Variants in CTNNA3 observed in about 807,000 individuals in gnomAD.
CTNNA3 encodes the protein catenin alpha 3, also known as catenin alpha-3.
CTNNA3 carries 76 observed loss-of-function variants against 95.7 expected under a neutral mutation model. That is an observed-to-expected ratio of 0.79 (90% CI 0.66 to 0.96). The LOEUF (loss-of-function observed/expected upper bound fraction) is 0.96. Ranked by LOEUF, CTNNA3 falls within the 40% of genes least tolerant of loss-of-function variation. CTNNA3 has a pLI of 0.00. For synonymous variants in CTNNA3, 431 were observed against 374.4 expected, an observed-to-expected ratio of 1.15 and a Z score of -1.74; for missense variants, 1,191 against 1,089.8, an observed-to-expected ratio of 1.09 and a Z score of -1.31.
At chr10:65,988,945 G>C in intron 15 of CTNNA3, 148 bp from the exon 16 acceptor site, 1 of 590,622 alleles carries the variant, frequency 1.7e-6, no homozygotes, top group Non-Finnish European at 3.0e-6. Context: ...TATTGTTTTT[G>C]TGATTGTTTG....
At position 66,519,831 on chromosome 10, in the gene CTNNA3, T is replaced by A. The variant is rs939335328; in HGVS notation, c.1531+786A>T. On this transcript the variant is annotated intron_variant, in intron 11 of 17. Coordinates refer to ENST00000433211, the MANE Select transcript of CTNNA3 (RefSeq NM_013266.4). ...TCTGAGGCTGAGTCATGGGTGCGTG[T>A]CCTGAACTTTGGCAAAATAAACTTC... Among the ~76,000 whole-genome samples, 3 of 152,324 alleles carry A rather than the reference T, an allele frequency of 2.0e-5. No individual in the cohort carries two copies. In the South Asian group the frequency reaches 6.2e-4, roughly 32 times the overall value.
Position 66,124,868 on chromosome 10 carries a change from G to A in CTNNA3, c.1885-21619C>T, listed in dbSNP as rs1045229497. ...CCATCACCTCCCACTAGGTTCCTCC[G>A]ATGACACATGGGAATTGTGAGAGTT... On this transcript the variant is annotated intron_variant, in intron 13 of 17. Transcript: ENST00000433211. Among the ~76,000 whole-genome samples the A allele has an allele frequency of 2.9e-4, 44 of 152,112 alleles. 1 individual carries two copies. Among genetic ancestry groups the A allele is most frequent in the South Asian group, 4.1e-4 (2 of 4,834 alleles).
intron 12 of CTNNA3, among the ~76,000 whole-genome samples, chr10:66,309,447 C>T (rs1564855796): frequency 6.6e-6 from 1 of 151,820 alleles, no homozygotes; most frequent in South Asian, 2.1e-4. Flanking sequence ...AATCTCAGCA[C>T]TTTGGGAGGC....
rs943840391 is a variant in CTNNA3, at chr10:66,009,865, G to A, written c.2160-21068C>T. Among the ~76,000 whole-genome samples, 3 of 152,326 alleles carry A rather than the reference G, an allele frequency of 2.0e-5. No homozygotes were observed. The East Asian group carries it at 5.8e-4, about 29-fold the overall frequency. On this transcript the variant is annotated intron_variant, in intron 15 of 17. Coordinates refer to ENST00000433211, the MANE Select transcript of CTNNA3 (RefSeq NM_013266.4). The stretch of plus-strand genomic sequence containing the variant: ...CACAACAGTAGAGAGACTAGCCATG[G>A]TCTTACATATCACAGTTCTTCCAAA...
intron 5 of CTNNA3, among the ~76,000 whole-genome samples, chr10:67,450,565 G>A (rs1846940797): frequency 6.6e-6 from 1 of 152,098 alleles, no homozygotes; most frequent in African/African-American, 2.4e-5. Context: ...TCACTTACAA[G>A]TGGGAGATAA....
chr10:66,726,798 A>C (rs1848796339), intron 9 of CTNNA3, among the ~76,000 whole-genome samples: 1 of 151,996 alleles, frequency 6.6e-6, no homozygotes, highest in African/African-American at 2.4e-5. Context: ...CCTGTTGGGA[A>C]GACAGATTTG....
At chr10:66,309,475 G>A (rs1236544835) in intron 12 of CTNNA3, among the ~76,000 whole-genome samples, 1 of 151,558 alleles carries the variant, frequency 6.6e-6, no homozygotes, top group Non-Finnish European at 1.5e-5. Context: ...GGCAGATCAC[G>A]AGGTCAGGAG....
intron 13 of CTNNA3, among the ~76,000 whole-genome samples, chr10:66,113,894 CA>C (rs1488826936): frequency 6.6e-6 from 1 of 151,952 alleles, no homozygotes; most frequent in African/African-American, 2.4e-5. Flanking sequence ...ATGCCATTGA[CA>C]ATTGTGGCAA....
intron 1 of CTNNA3, among the ~76,000 whole-genome samples, chr10:67,747,533 C>A (rs191796682): frequency 6.6e-6 from 1 of 152,244 alleles, no homozygotes; most frequent in Admixed American, 6.5e-5. Flanking sequence ...AGAAGAGGGG[C>A]CTGTTAAAAG....
intron 17 of CTNNA3, among the ~76,000 whole-genome samples, chr10:65,957,298 G>T (rs1055169726): frequency 9.2e-5 from 14 of 152,216 alleles, no homozygotes; most frequent in African/African-American, 3.4e-4. Context: ...CACGTGAGAT[G>T]GGTCTCCTGA....
intron 17 of CTNNA3, among the ~76,000 whole-genome samples, chr10:65,931,662 G>A (rs779270858): frequency 2.6e-5 from 4 of 152,196 alleles, no homozygotes; most frequent in South Asian, 2.1e-4. Flanking sequence ...GTCTGTGATC[G>A]GGAAATATTA....
At chr10:65,922,951 G>T (rs2077113241) in intron 17 of CTNNA3, among the ~76,000 whole-genome samples, 1 of 152,092 alleles carries the variant, frequency 6.6e-6, no homozygotes, top group Non-Finnish European at 1.5e-5. Flanking sequence ...AACAAAAGCA[G>T]GGAAAACTGC....
intron 13 of CTNNA3, among the ~76,000 whole-genome samples, chr10:66,275,677 A>T (rs935023764): frequency 6.6e-6 from 1 of 152,216 alleles, no homozygotes; most frequent in African/African-American, 2.4e-5. Flanking sequence ...AGAGAATTGT[A>T]ATTGGATAAG....
At chr10:66,891,246 G>T (rs570590592) in intron 7 of CTNNA3, among the ~76,000 whole-genome samples, 21 of 152,138 alleles carry the variant, frequency 1.4e-4, no homozygotes, top group Middle Eastern at 6.8e-3. Context: ...ACATATTAAG[G>T]TGAATCATAC....
chr10:66,126,128 T>C (rs1462574239), intron 13 of CTNNA3, among the ~76,000 whole-genome samples: 3 of 152,204 alleles, frequency 2.0e-5, no homozygotes, highest in African/African-American at 4.8e-5. Context: ...GCTGATCTAA[T>C]AAACTTTGAA....
chr10:67,731,492 C>CA (rs910271116), intron 1 of CTNNA3, among the ~76,000 whole-genome samples: 3 of 149,924 alleles, frequency 2.0e-5, no homozygotes, highest in African/African-American at 7.4e-5. Flanking sequence ...AAAAACAAAA[C>CA]AAAAAAGTCT....
At chr10:66,610,750 A>G (rs1844300625) in intron 10 of CTNNA3, among the ~76,000 whole-genome samples, 1 of 152,160 alleles carries the variant, frequency 6.6e-6, no homozygotes, top group African/African-American at 2.4e-5. Flanking sequence ...TAGAAGTACC[A>G]TATGATCCAG....
At chr10:67,477,218 C>T (rs191393067) in intron 5 of CTNNA3, among the ~76,000 whole-genome samples, 34 of 152,136 alleles carry the variant, frequency 2.2e-4, no homozygotes, top group Non-Finnish European at 4.9e-4. Flanking sequence ...AAGGAGGTTT[C>T]CATCTCAACA....
At chr10:67,086,856 C>T (rs1857340754) in intron 7 of CTNNA3, among the ~76,000 whole-genome samples, 1 of 151,868 alleles carries the variant, frequency 6.6e-6, no homozygotes, top group African/African-American at 2.4e-5. Flanking sequence ...TTTCATTCTG[C>T]CATACTTATA....
Sources: allele counts gnomAD v4.1 joint callset (sites outside exome capture counted in the v4.1 genomes callset), GRCh38; gene constraint gnomAD v4.1.1; transcripts MANE v1.5; gene names NCBI Gene and HGNC (gene_info 2026-07-23, HGNC 2026-07-21).